Variants in LRRC3B observed in about 807,000 individuals in gnomAD.
LRRC3B encodes leucine rich repeat containing 3B.
Under a neutral mutation model 12.8 loss-of-function variants are expected in LRRC3B, and 2 were observed. The ratio of observed to expected loss-of-function variants is 0.16; its 90% CI spans 0.06 to 0.49. The LOEUF (loss-of-function observed/expected upper bound fraction) is 0.49. Ranked by LOEUF, LRRC3B falls within the 20% of genes least tolerant of loss-of-function variation. The probability of loss-of-function intolerance (pLI) is 0.96; values close to 1 mark genes in which losing one functional copy is unlikely to be tolerated. For synonymous variants in LRRC3B, 132 were observed against 122.0 expected (o/e 1.08, Z -0.54); for missense variants, 189 against 319.4 (o/e 0.59, Z 3.11).
intron 1 of LRRC3B, among the ~76,000 whole-genome samples, chr3:26,706,635 C>T (rs1221568872): frequency 6.6e-6 from 1 of 152,180 alleles, no homozygotes; most frequent in Non-Finnish European, 1.5e-5. Flanking sequence ...GAGTAGAGAA[C>T]TCAACCTGTG....
chr3:26,679,869 G>A (rs1699934454), intron 1 of LRRC3B, among the ~76,000 whole-genome samples: 1 of 152,134 alleles, frequency 6.6e-6, no homozygotes, highest in African/African-American at 2.4e-5. Flanking sequence ...ATGATGAGAA[G>A]GAGTGATGAA....
At chr3:26,634,281 A>G (rs952335406) in intron 1 of LRRC3B, among the ~76,000 whole-genome samples, 1 of 152,208 alleles carries the variant, frequency 6.6e-6, no homozygotes, top group Non-Finnish European at 1.5e-5. Context: ...GAATCAGACA[A>G]GTGTTAGAAT....
chr3:26,640,426 TA>T (rs10707193), intron 1 of LRRC3B, among the ~76,000 whole-genome samples: 100,633 of 140,120 alleles, frequency 0.72, 35,520 homozygotes, highest in Admixed American at 0.77. Context: ...CCTTATAAAC[TA>T]AAAAAAAAAA....
chr3:26,636,898 CTCTCTT>C lies in LRRC3B; in HGVS notation c.-161+13667_-161+13672del, dbSNP rs1380701055. Among the ~76,000 whole-genome samples, 324 of 97,670 alleles carry C rather than the reference CTCTCTT, an allele frequency of 3.3e-3. 22 individuals carry two copies. The highest frequency in any genetic ancestry group is 0.026 in the East Asian group (53 of 2,016). 64.1% of individuals were successfully genotyped at this position (97,670 alleles called of 152,430 possible). On this transcript the variant is annotated intron_variant, in intron 1 of 1. Transcript: ENST00000396641. ...CCTTCCTTCCTTCCTTTCTCTCTCT[CTCTCTT>C]TCTCTCTTTCTCTCTTTCTTTCTTT...
intron 1 of LRRC3B, among the ~76,000 whole-genome samples, chr3:26,677,864 G>T (rs1226538129): frequency 1.3e-5 from 2 of 152,056 alleles, no homozygotes; most frequent in Non-Finnish European, 2.9e-5. Context: ...GCTGTGGTGC[G>T]ATCATGGCTC....
intron 1 of LRRC3B, among the ~76,000 whole-genome samples, chr3:26,626,457 C>T (rs1698627730): frequency 6.6e-6 from 1 of 152,168 alleles, no homozygotes; most frequent in Non-Finnish European, 1.5e-5. Context: ...CCAATCCAGA[C>T]TCAGGGAGGA....
intron 1 of LRRC3B, among the ~76,000 whole-genome samples, chr3:26,657,495 G>A (rs1699396180): frequency 6.6e-6 from 1 of 152,192 alleles, no homozygotes; most frequent in South Asian, 2.1e-4. Context: ...CAACTCCCAT[G>A]TCTCTCCTTG....
chr3:26,629,358 C>G (rs1380684409), intron 1 of LRRC3B, among the ~76,000 whole-genome samples: 4 of 152,198 alleles, frequency 2.6e-5, no homozygotes, highest in African/African-American at 9.7e-5. Flanking sequence ...ACAAATACGT[C>G]CTCTGGCGAG....
At chr3:26,679,571 T>C (rs1200708146) in intron 1 of LRRC3B, among the ~76,000 whole-genome samples, 3 of 152,214 alleles carry the variant, frequency 2.0e-5, no homozygotes, top group Non-Finnish European at 2.9e-5. Context: ...GTTACCTCCC[T>C]GGGGAGGCTT....
chr3:26,667,119 G>GAAAA (rs368094321), intron 1 of LRRC3B, among the ~76,000 whole-genome samples: 3,859 of 101,402 alleles, frequency 0.038, 118 homozygotes, highest in Non-Finnish European at 0.063. Context: ...TCACTTTCAA[G>GAAAA]AAAAAAAAAA....
intron 1 of LRRC3B, among the ~76,000 whole-genome samples, chr3:26,625,690 C>G (rs554670042): frequency 1.3e-5 from 2 of 152,248 alleles, no homozygotes; most frequent in South Asian, 2.1e-4. Flanking sequence ...CAAATCCACA[C>G]CAAGGTGGAT....
At chr3:26,658,712 A>G (rs1049182971) in intron 1 of LRRC3B, among the ~76,000 whole-genome samples, 1 of 152,228 alleles carries the variant, frequency 6.6e-6, no homozygotes, top group Non-Finnish European at 1.5e-5. Context: ...GGAAAGTGTG[A>G]TCTGTTCTGT....
intron 1 of LRRC3B, among the ~76,000 whole-genome samples, chr3:26,626,265 CATTCCCTTTTTAAATAGGAAGGTAAATG>C (rs1698623860): frequency 6.6e-6 from 1 of 152,172 alleles, no homozygotes; most frequent in African/African-American, 2.4e-5. Flanking sequence ...CTTTTGTAGA[CATTCCCTTTTTAAATAGGAAGGTAAATG>C]GAAGGAGGGA....
intron 1 of LRRC3B, among the ~76,000 whole-genome samples, chr3:26,695,525 T>TCAAACAAA (rs139527145): frequency 0.33 from 49,573 of 151,378 alleles, 10,859 homozygotes; most frequent in African/African-American, 0.61. Context: ...AGACAACATC[T>TCAAACAAA]CAAACAAACA....
At chr3:26,642,942 A>G (rs1699061683) in intron 1 of LRRC3B, among the ~76,000 whole-genome samples, 1 of 149,092 alleles carries the variant, frequency 6.7e-6, no homozygotes, top group East Asian at 2.0e-4. Context: ...ACCTGAACCC[A>G]GGAGGCAGAG....
At position 26,646,623 on chromosome 3, in the gene LRRC3B, A is replaced by C. The variant is rs888747681; in HGVS notation, c.-161+23386A>C. Among the ~76,000 whole-genome samples, 25 of 104,534 alleles carry C rather than the reference A, an allele frequency of 2.4e-4. 1 individual carries two copies. The highest frequency in any genetic ancestry group is 3.6e-4 in the Non-Finnish European group (16 of 43,852). 68.6% of individuals were successfully genotyped at this position (104,534 alleles called of 152,430 possible). ...TAAAAAAAAAAAAAAAAAAAAAAAA[A>C]AAAAAAAAAAAAACGGATTTTAACA... On this transcript the variant is annotated intron_variant, in intron 1 of 1. Coordinates refer to ENST00000396641, the Ensembl canonical transcript of LRRC3B.
At chr3:26,654,692 G>C (rs1425699154) in intron 1 of LRRC3B, among the ~76,000 whole-genome samples, 1 of 152,218 alleles carries the variant, frequency 6.6e-6, no homozygotes, top group Non-Finnish European at 1.5e-5. Context: ...AGGAGCAGCA[G>C]GGGAGAATAT....
chr3:26,700,011 C>T (rs1349943253), intron 1 of LRRC3B, among the ~76,000 whole-genome samples: 1 of 152,102 alleles, frequency 6.6e-6, no homozygotes, highest in Non-Finnish European at 1.5e-5. Context: ...TCTAAACCCA[C>T]TCTGAAGATC....
At chr3:26,648,218 G>A (rs1015230484) in intron 1 of LRRC3B, among the ~76,000 whole-genome samples, 14 of 151,734 alleles carry the variant, frequency 9.2e-5, no homozygotes, top group African/African-American at 3.1e-4. Flanking sequence ...GGAAAGAAAG[G>A]GGATTTCAGA....
Sources: gnomAD v4.1 joint callset for allele counts (sites outside exome capture counted in the v4.1 genomes callset) on GRCh38, gnomAD v4.1.1 for gene constraint, MANE v1.5 for transcripts, NCBI Gene and HGNC (gene_info 2026-07-23, HGNC 2026-07-21) for gene names.